The following SYNM variants were observed in gnomAD, a reference collection of about 807,000 sequenced individuals.
SYNM encodes desmuslin.
Under a neutral mutation model 104.0 loss-of-function variants are expected in SYNM, and 95 were observed. That is an observed-to-expected ratio of 0.91 (90% CI 0.77 to 1.08). The LOEUF is 1.08. Among genes scored for constraint, SYNM ranks in the 50% least tolerant of loss-of-function variants. The pLI is 0.00. For synonymous variants in SYNM, 918 were observed against 869.0 expected (o/e 1.06, Z -0.99); for missense variants, 2,150 against 2,052.2 (o/e 1.05, Z -0.92).
downstream of SYNM, among the ~76,000 whole-genome samples, chr15:99,135,775 A>G (rs1465862996): frequency 6.6e-6 from 1 of 152,248 alleles, no homozygotes; most frequent in Non-Finnish European, 1.5e-5. Flanking sequence ...TATTGGGAGC[A>G]CAGAGCTAGA....
chr15:99,107,537 C>G (rs1486186508), intron 1 of SYNM, among the ~76,000 whole-genome samples: 3 of 152,180 alleles, frequency 2.0e-5, no homozygotes, highest in Admixed American at 6.5e-5. Context: ...CTGTGTGGAC[C>G]AAATCGTCAC....
chr15:99,110,696 C>T (rs1274821416), intron 1 of SYNM, among the ~76,000 whole-genome samples: 1 of 152,216 alleles, frequency 6.6e-6, no homozygotes, highest in Non-Finnish European at 1.5e-5. Flanking sequence ...TCTTTTGATA[C>T]TGACAGCAGC....
downstream of SYNM, chr15:99,139,288 TAGAG>T (rs782294836): frequency 1.4e-5 from 13 of 941,954 alleles, no homozygotes; most frequent in African/African-American, 9.5e-5. Flanking sequence ...GGGAATGAGA[TAGAG>T]AAAGTGTGAG....
rs1190016533 is a variant in SYNM at position 99,135,143 on chromosome 15, A to G, written c.*2085A>G. On this transcript the variant is annotated 3_prime_UTR_variant, in exon 4 of 4. Coordinates refer to ENST00000336292, the MANE Select transcript of SYNM (RefSeq NM_145728.3). ...GTAATTAATATTATGACCCACTTCT[A>G]TTTACTTTGGGAAATATCTTGGATC... is the stretch of plus-strand genomic sequence containing the variant. 6.6e-6 allele frequency: 1 copy of G among 152,604 alleles called. No homozygotes were observed. Among genetic ancestry groups the G allele is most frequent in the Non-Finnish European group, 1.5e-5 (1 of 68,038 alleles). The allele number at this position is 152,604 out of a possible 1,614,324, so 9.5% of individuals were successfully genotyped here.
chr15:99,105,751 C>G lies in SYNM; in HGVS notation c.552C>G (p.His184Gln), dbSNP rs781789668. 2 of 1,532,066 alleles carry G rather than the reference C, an allele frequency of 1.3e-6. No homozygotes were observed. The highest frequency in any genetic ancestry group is 1.8e-6 in the Non-Finnish European group (2 of 1,141,780). The allele number at this position is 1,532,066 out of a possible 1,614,324, so 94.9% of individuals were successfully genotyped here. Residue 184 changes from histidine to glutamine, a missense_variant, in exon 1 of 4, where the codon CAC becomes CAG. Coordinates refer to ENST00000336292, the MANE Select transcript of SYNM (RefSeq NM_145728.3). ...AAPPPRLREV[H>Q]DSYALLVAES... Reference sequence around the variant, plus strand: ...CGCCGCCACGCCTGCGGGAGGTGCACGACAGCTACGCACTGCTGGTGGCCG... The same window carrying G: ...CGCCGCCACGCCTGCGGGAGGTGCAGGACAGCTACGCACTGCTGGTGGCCG...
intron 1 of SYNM, among the ~76,000 whole-genome samples, chr15:99,106,721 G>A (rs2067248279): frequency 6.6e-6 from 1 of 152,236 alleles, no homozygotes; most frequent in South Asian, 2.1e-4. Flanking sequence ...TTTCAGGGAA[G>A]CAAACCCTCT....
At chr15:99,121,567 T>G (rs1596127860) in intron 2 of SYNM, among the ~76,000 whole-genome samples, 1 of 152,076 alleles carries the variant, frequency 6.6e-6, no homozygotes, top group African/African-American at 2.4e-5. Context: ...GATGAGATGG[T>G]GAAAACCCTA....
chr15:99,135,914 G>C (rs551756234), downstream of SYNM, among the ~76,000 whole-genome samples: 2 of 152,320 alleles, frequency 1.3e-5, no homozygotes, highest in South Asian at 4.1e-4. Context: ...CATCCCATTT[G>C]GGATGGAGAG....
downstream of SYNM, among the ~76,000 whole-genome samples, chr15:99,138,529 G>GTC (rs1462607372): frequency 6.6e-6 from 1 of 152,186 alleles, no homozygotes; most frequent in East Asian, 1.9e-4. Flanking sequence ...GGCCAGTCTG[G>GTC]TCTCAAACTC....
At chr15:99,112,462 A>T (rs1281810685) in intron 1 of SYNM, among the ~76,000 whole-genome samples, 3 of 152,226 alleles carry the variant, frequency 2.0e-5, no homozygotes, top group Admixed American at 6.5e-5. Flanking sequence ...GACTTCAAAT[A>T]GTACATTTTG....
Position 99,130,951 on chromosome 15 carries a change from C to G in SYNM, c.2591C>G (p.Ser864Cys). 1 of 1,613,814 alleles carries G rather than the reference C, an allele frequency of 6.2e-7. No homozygotes were observed. The highest frequency in any genetic ancestry group is 1.1e-5 in the South Asian group (1 of 91,070). Residue 864 changes from serine to cysteine, a missense_variant, in exon 4 of 4, where the codon TCT becomes TGT. Ser to Cys is a moderately radical substitution (Grantham distance 112, BLOSUM62 -1). Coordinates refer to ENST00000336292, the MANE Select transcript of SYNM (RefSeq NM_145728.3). Reference protein sequence around the residue: ...HIEEESTIRYSWQDEIVQGTR... With the variant: ...HIEEESTIRYCWQDEIVQGTR... ...GAGGAGGAATCCACCATCAGGTACT[C>G]TTGGCAGGATGAAATCGTGCAGGGG... is the stretch of plus-strand genomic sequence containing the variant.
intron 1 of SYNM, among the ~76,000 whole-genome samples, chr15:99,109,761 A>G (rs2067283919): frequency 1.3e-5 from 2 of 152,194 alleles, no homozygotes; most frequent in Non-Finnish European, 2.9e-5. Flanking sequence ...TAAAACAAAG[A>G]AAGTCCCTTG....
In SYNM at chr15:99,105,692, C is replaced by G; in HGVS notation, c.493C>G (p.His165Asp). 1 of 1,484,624 alleles carries G rather than the reference C, an allele frequency of 6.7e-7. No homozygotes were observed. Among genetic ancestry groups the G allele is most frequent in the Non-Finnish European group, 8.9e-7 (1 of 1,123,446 alleles). The allele number at this position is 1,484,624 out of a possible 1,614,324, so 92.0% of individuals were successfully genotyped here. A position where few individuals can be genotyped will look rare whatever the true frequency, so the allele number is the denominator to read the frequency against. Reference sequence around the variant, plus strand: ...CGCGCGCGCCGCCAGCCTTACCATGCATTTCCGCGCCCGCGCCACCGGCCC... The same window carrying G: ...CGCGCGCGCCGCCAGCCTTACCATGGATTTCCGCGCCCGCGCCACCGGCCC... ...LRARAASLTM[H>D]FRARATGPAA... The change falls in exon 1 of 4, where the codon CAT becomes GAT. Residue 165 changes from histidine (H) to aspartate (D), a missense_variant. His to Asp is a moderately conservative substitution (Grantham distance 81, BLOSUM62 -1). Coordinates refer to ENST00000336292, the MANE Select transcript of SYNM (RefSeq NM_145728.3).
intron 2 of SYNM, among the ~76,000 whole-genome samples, chr15:99,123,025 C>T (rs7162579): frequency 0.36 from 55,410 of 151,992 alleles, 10,295 homozygotes; most frequent in Middle Eastern, 0.49. Flanking sequence ...GAGGTGGGGA[C>T]GACGTGATCG....
intron 1 of SYNM, among the ~76,000 whole-genome samples, chr15:99,107,608 GTTCT>G (rs1429127071): frequency 6.6e-6 from 1 of 151,960 alleles, no homozygotes; most frequent in East Asian, 1.9e-4. Flanking sequence ...TGGTTCCAGT[GTTCT>G]TTCTTAGCGG....
rs781944844 is a variant in SYNM at position 99,132,067 on chromosome 15, T to C, written c.3707T>C (p.Phe1236Ser). 13 of 1,613,828 alleles carry C rather than the reference T, an allele frequency of 8.1e-6. No homozygotes were observed. Among genetic ancestry groups the C allele is most frequent in the Non-Finnish European group, 1.1e-5 (13 of 1,179,888 alleles). The change falls in exon 4 of 4, where the codon TTT (phenylalanine) becomes TCT (serine). Residue 1236 changes from phenylalanine (F) to serine (S), a missense_variant. Transcript: ENST00000336292. ...TTTCATGCTGAAAAGGAGATTATTTTTCAGGGCCCCATTTCTGCTGCAGGG... is the reference window on the plus strand; with the variant it reads ...TTTCATGCTGAAAAGGAGATTATTTCTCAGGGCCCCATTTCTGCTGCAGGG... ...RQFHAEKEII[F>S]QGPISAAGKV... is the part of the protein sequence containing the mutation.
rs782495792 is a variant in SYNM at position 99,121,808 on chromosome 15, CAG to C, written c.936-4913_936-4912del. 3.3e-5 allele frequency among the ~76,000 whole-genome samples: 5 copies of C among 152,256 alleles called. No individual in the cohort carries two copies. The East Asian group carries it at 9.6e-4, about 29-fold the overall frequency. On this transcript the variant is annotated intron_variant, in intron 2 of 3. Transcript: ENST00000336292. ...AAATGCAAGAATACCCAGGGGTAGA[CAG>C]TGCAGAAACCACAGAACAGAAGGAT...
rs1555482534 is a variant in SYNM at position 99,105,674 on chromosome 15, G to A, written c.475G>A (p.Ala159Thr). 1 of 1,416,900 alleles carries A rather than the reference G, an allele frequency of 7.1e-7. No homozygotes were observed. Among genetic ancestry groups the A allele is most frequent in the South Asian group, 1.5e-5 (1 of 67,006 alleles). The allele number at this position is 1,416,900 out of a possible 1,614,324, so 87.8% of individuals were successfully genotyped here. ...CGACGTGAGGGAGCTGCGCGCGCGC[G>A]CCGCCAGCCTTACCATGCATTTCCG... is the stretch of plus-strand genomic sequence containing the variant. ...ERDVRELRAR[A>T]ASLTMHFRAR... is the part of the protein sequence containing the mutation. The change falls in exon 1 of 4, where the codon GCC becomes ACC. Residue 159 changes from alanine (A) to threonine (T), a missense_variant. Physicochemically the swap from Ala to Thr is moderately conservative, Grantham distance 58. Transcript: ENST00000336292.
chr15:99,120,080 G>A (rs551204211), intron 2 of SYNM, among the ~76,000 whole-genome samples: 1 of 152,270 alleles, frequency 6.6e-6, no homozygotes, highest in South Asian at 2.1e-4. Flanking sequence ...TTTTCCATGT[G>A]ATGACACCCA....
Sources: gnomAD v4.1 joint callset for allele counts (sites outside exome capture counted in the v4.1 genomes callset) on GRCh38, gnomAD v4.1.1 for gene constraint, MANE v1.5 for transcripts, NCBI Gene and HGNC (gene_info 2026-07-23, HGNC 2026-07-21) for gene names.